Variants in PLD1 observed in about 807,000 individuals in gnomAD.
PLD1 encodes the protein phospholipase D1.
PLD1 carries 112 observed loss-of-function variants against 137.1 expected under a neutral mutation model. The ratio of observed to expected loss-of-function variants is 0.82; its 90% CI spans 0.70 to 0.96. The LOEUF (loss-of-function observed/expected upper bound fraction) is 0.96. Ranked by LOEUF, PLD1 falls within the 40% of genes least tolerant of loss-of-function variation. The pLI is 0.00. For synonymous variants in PLD1, 431 were observed against 454.7 expected, an observed-to-expected ratio of 0.95 and a Z score of 0.66; for missense variants, 1,321 against 1,342.0, an observed-to-expected ratio of 0.98 and a Z score of 0.24.
intron 1 of PLD1, among the ~76,000 whole-genome samples, chr3:171,742,094 C>T (rs1719821069): frequency 6.6e-6 from 1 of 152,186 alleles, no homozygotes; most frequent in African/African-American, 2.4e-5. Flanking sequence ...CAGGGCCACA[C>T]AGCTGGGAAG....
intron 15 of PLD1, 35 bp from the exon 16 acceptor site, chr3:171,686,833 C>T (rs939520433): frequency 2.9e-6 from 3 of 1,039,978 alleles, no homozygotes; most frequent in Non-Finnish European, 4.4e-6. Context: ...CAAAAAAATA[C>T]AAATATCAAA....
chr3:171,697,236 C>CATT (rs1385868263), intron 12 of PLD1, among the ~76,000 whole-genome samples: 1 of 117,698 alleles, frequency 8.5e-6, no homozygotes, highest in African/African-American at 3.7e-5. Flanking sequence ...CTTCCGGACA[C>CATT]CTTTTTTTTT....
intron 6 of PLD1, among the ~76,000 whole-genome samples, chr3:171,728,047 C>G (rs925907082): frequency 2.0e-5 from 3 of 152,142 alleles, no homozygotes; most frequent in Admixed American, 1.3e-4. Context: ...TAGTGGCTCA[C>G]GCCTGTAATC....
chr3:171,791,295 T>C (rs1723201628), intron 1 of PLD1, among the ~76,000 whole-genome samples: 1 of 152,194 alleles, frequency 6.6e-6, no homozygotes, highest in Admixed American at 6.5e-5. Flanking sequence ...AGTCATCTAA[T>C]TTTCCCCAAA....
chr3:171,808,297 G>A (rs561553322), intron 1 of PLD1, among the ~76,000 whole-genome samples: 47 of 152,190 alleles, frequency 3.1e-4, no homozygotes, highest in African/African-American at 1.1e-3. Context: ...AGCACTTTGG[G>A]AGGCCGAGGC....
chr3:171,675,600 G>T (rs974795783), intron 18 of PLD1, among the ~76,000 whole-genome samples: 8 of 152,164 alleles, frequency 5.3e-5, no homozygotes, highest in Non-Finnish European at 1.2e-4. Flanking sequence ...TTTTATCTTT[G>T]CCAGTATAGC....
At chr3:171,694,463 G>A (rs1281427479) in intron 12 of PLD1, among the ~76,000 whole-genome samples, 1 of 151,744 alleles carries the variant, frequency 6.6e-6, no homozygotes, top group Non-Finnish European at 1.5e-5. Flanking sequence ...GGGCTCTAAA[G>A]GAAAATTACA....
chr3:171,613,817 C>T (rs961594783), intron 24 of PLD1, among the ~76,000 whole-genome samples: 2 of 152,112 alleles, frequency 1.3e-5, no homozygotes, highest in African/African-American at 4.8e-5. Flanking sequence ...AACCTCATCA[C>T]GTTTTTTTGC....
At chr3:171,806,461 C>A (rs1723852372) in intron 1 of PLD1, among the ~76,000 whole-genome samples, 1 of 152,216 alleles carries the variant, frequency 6.6e-6, no homozygotes, top group Non-Finnish European at 1.5e-5. Context: ...GTTAGGTTTA[C>A]ATGTTTCTCA....
intron 25 of PLD1, among the ~76,000 whole-genome samples, chr3:171,609,372 C>T (rs1732464147): frequency 6.6e-6 from 1 of 152,090 alleles, no homozygotes; most frequent in Admixed American, 6.6e-5. Flanking sequence ...TTCAATACAA[C>T]AATCCCACAA....
chr3:171,618,092 C>T (rs1204130798), intron 24 of PLD1, among the ~76,000 whole-genome samples: 4 of 151,632 alleles, frequency 2.6e-5, no homozygotes, highest in African/African-American at 4.8e-5. Flanking sequence ...TGGGAGAAAT[C>T]GATTCTCTAA....
chr3:171,740,371 A>G (rs1719689773), intron 1 of PLD1, among the ~76,000 whole-genome samples: 1 of 152,172 alleles, frequency 6.6e-6, no homozygotes, highest in Admixed American at 6.5e-5. Context: ...GTCAGATTTT[A>G]CTTTATTTAA....
intron 25 of PLD1, among the ~76,000 whole-genome samples, chr3:171,609,728 C>G (rs1160118664): frequency 1.3e-5 from 2 of 152,018 alleles, no homozygotes; most frequent in Non-Finnish European, 2.9e-5. Flanking sequence ...AGTGGAATAA[C>G]TGACGTTGGA....
intron 8 of PLD1, among the ~76,000 whole-genome samples, chr3:171,718,408 C>T (rs1432197960): frequency 1.3e-5 from 2 of 152,196 alleles, no homozygotes; most frequent in Non-Finnish European, 2.9e-5. Flanking sequence ...AGAGCTAGTA[C>T]CGTTCCTACT....
Position 171,612,156 on chromosome 3 carries a change from G to A in PLD1, c.2882+123C>T. On this transcript the variant is annotated intron_variant, in intron 25 of 26. Transcript: ENST00000351298. This position sits in a 1 kb window ranked among gnomAD's most constrained non-coding sequence, Gnocchi z 4.1. ...ACTGGTGGTACATATCCTATATTCT[G>A]GGACACACTGTTTTAGATGAAGAAG... 3 of 777,978 alleles carry A rather than the reference G, an allele frequency of 3.9e-6. No homozygotes were observed. Among genetic ancestry groups the A allele is most frequent in the Non-Finnish European group, 6.4e-6 (3 of 470,648 alleles). 48.2% of individuals were successfully genotyped at this position (777,978 alleles called of 1,614,324 possible).
At chr3:171,609,553 C>CA (rs145321970) in intron 25 of PLD1, among the ~76,000 whole-genome samples, 5,218 of 136,174 alleles carry the variant, frequency 0.038, 364 homozygotes, top group African/African-American at 0.15. Flanking sequence ...CACACACACA[C>CA]ACCAGAGAAA....
intron 1 of PLD1, among the ~76,000 whole-genome samples, chr3:171,759,895 T>G (rs773399681): frequency 1.3e-5 from 2 of 152,242 alleles, no homozygotes; most frequent in South Asian, 4.1e-4. Flanking sequence ...CAGAACAGTC[T>G]TACTGTCCTT....
intron 1 of PLD1, chr3:171,793,391 G>A (rs1316654975): frequency 6.6e-6 from 1 of 152,038 alleles, no homozygotes; most frequent in Non-Finnish European, 1.5e-5. Flanking sequence ...TTATATTAAA[G>A]CAAAAGTTCT....
intron 1 of PLD1, among the ~76,000 whole-genome samples, chr3:171,759,035 C>A (rs1010473969): frequency 6.6e-6 from 1 of 152,220 alleles, no homozygotes; most frequent in Non-Finnish European, 1.5e-5. Context: ...ATATTACCAC[C>A]TTCCTTCACA....
Sources: allele counts gnomAD v4.1 joint callset (sites outside exome capture counted in the v4.1 genomes callset), GRCh38; gene constraint gnomAD v4.1.1; non-coding constraint Gnocchi (gnomAD v3.1); transcripts MANE v1.5; gene names NCBI Gene and HGNC (gene_info 2026-07-23, HGNC 2026-07-21).